Variants in PCDHGA1 observed in about 807,000 individuals in gnomAD.
The protein encoded by PCDHGA1 is protocadherin gamma subfamily A, 1.
Under a neutral mutation model 58.0 loss-of-function variants are expected in PCDHGA1, and 32 were observed. The ratio of observed to expected loss-of-function variants is 0.55; its 90% CI spans 0.42 to 0.74. The LOEUF (loss-of-function observed/expected upper bound fraction) is 0.74, where lower values mean the gene tolerates loss of function less well. PCDHGA1 is among the 30% of genes least tolerant of loss of function. The probability of loss-of-function intolerance (pLI) is 0.00; values close to 1 mark genes in which losing one functional copy is unlikely to be tolerated. For synonymous variants in PCDHGA1, 498 were observed against 501.1 expected, an observed-to-expected ratio of 0.99 and a Z score of 0.08; for missense variants, 1,205 against 1,182.3, an observed-to-expected ratio of 1.02 and a Z score of -0.28.
chr5:141,360,990 C>A lies in PCDHGA1; in HGVS notation c.2421+27885C>A. On this transcript the variant is annotated intron_variant, in intron 1 of 3. Transcript: ENST00000517417. ...TCACCTACTCCTTTCATAATGTGGA[C>A]GAACAAGTGAAACACTTTTTCAACT... 1.2e-6 allele frequency: 2 copies of A among 1,613,454 alleles called. No individual in the cohort carries two copies. The highest frequency in any genetic ancestry group is 1.3e-5 in the African/African-American group (1 of 75,006).
chr5:141,360,426 G>C, intron 1 of PCDHGA1: 2 of 1,614,000 alleles, frequency 1.2e-6, no homozygotes, highest in Non-Finnish European at 1.7e-6. Context: ...AGATATGCGG[G>C]AAGCAGCCTC....
Position 141,486,656 on chromosome 5 carries a change from C to A in PCDHGA1, c.2422-8151C>A. 6.2e-7 allele frequency: 1 copy of A among 1,614,020 alleles called. No homozygotes were observed. Among genetic ancestry groups the A allele is most frequent in the Non-Finnish European group, 8.5e-7 (1 of 1,180,038 alleles). On this transcript the variant is annotated intron_variant, in intron 1 of 3. Transcript: ENST00000517417. This position sits in a 1 kb window ranked among gnomAD's most constrained non-coding sequence, Gnocchi z 5.0. ...GAATGCGCTTATCTCCTACTCACTCCTGGAGCCCAGGAATCGAGATGTATC... is the reference window on the plus strand; with the variant it reads ...GAATGCGCTTATCTCCTACTCACTCATGGAGCCCAGGAATCGAGATGTATC...
chr5:141,385,200 C>G (rs776177043), intron 1 of PCDHGA1: 4 of 1,614,214 alleles, frequency 2.5e-6, no homozygotes, highest in Middle Eastern at 3.3e-4. Flanking sequence ...GGAAGAGTCA[C>G]CTGATCTTCC....
At chr5:141,414,137 T>C in intron 1 of PCDHGA1, 1 of 1,595,618 alleles carries the variant, frequency 6.3e-7, no homozygotes, top group South Asian at 1.1e-5. Context: ...TTCTATGAAA[T>C]AGAAATACAA....
At chr5:141,365,903 T>C (rs776227569) in intron 1 of PCDHGA1, 1 of 1,614,140 alleles carries the variant, frequency 6.2e-7, no homozygotes, top group Non-Finnish European at 8.5e-7. Context: ...CTATGAGCAG[T>C]TGAGAGACCT....
At chr5:141,365,716 A>G (rs1764073601) in intron 1 of PCDHGA1, 6 of 1,613,740 alleles carry the variant, frequency 3.7e-6, no homozygotes, top group Non-Finnish European at 5.1e-6. Flanking sequence ...CCTCTGTCAC[A>G]GAAAACAATC....
chr5:141,431,610 T>A lies in PCDHGA1; in HGVS notation c.2422-63197T>A. The stretch of plus-strand genomic sequence containing the variant: ...GAAGTGAGGTATTCCTTCCGGTATG[T>A]GGACGACAAGGCGGCCCAAGTTTTC... On this transcript the variant is annotated intron_variant, in intron 1 of 3. Transcript: ENST00000517417. The surrounding 1 kb of genome is among the most constrained non-coding windows in gnomAD (Gnocchi z 4.8). 6.2e-7 allele frequency: 1 copy of A among 1,614,238 alleles called. No homozygotes were observed. Among genetic ancestry groups the A allele is most frequent in the Non-Finnish European group, 8.5e-7 (1 of 1,180,034 alleles).
In PCDHGA1 at chr5:141,332,355, C is replaced by A; in HGVS notation, c.1671C>A (p.Asp557Glu). 2 of 1,614,210 alleles carry A rather than the reference C, an allele frequency of 1.2e-6. No homozygotes were observed. Among genetic ancestry groups the A allele is most frequent in the Non-Finnish European group, 1.7e-6 (2 of 1,180,034 alleles). Residue 557 changes from aspartate to glutamate, a missense_variant, in exon 1 of 4, where the codon GAC becomes GAA. Coordinates refer to ENST00000517417, the MANE Select transcript of PCDHGA1 (RefSeq NM_018912.3). This position sits in a 1 kb window ranked among gnomAD's most constrained non-coding sequence, Gnocchi z 4.6. ...GCCTATTCCTGCTGGACCAGAACGA[C>A]AACGCGCCCGAGATCCTGTACCCCG... ...SLSLFLLDQN[D>E]NAPEILYPAL...
rs2099417733 is a variant in PCDHGA1, at chr5:141,477,771, G to C, written c.2422-17036G>C. ...ACCCCGGTCCTAGCCACCAACATCAGCGTGAACATATTTGTCACTGATCGC... is the reference window on the plus strand; with the variant it reads ...ACCCCGGTCCTAGCCACCAACATCACCGTGAACATATTTGTCACTGATCGC... On this transcript the variant is annotated intron_variant, in intron 1 of 3. Transcript: ENST00000517417. This position sits in a 1 kb window ranked among gnomAD's most constrained non-coding sequence, Gnocchi z 4.9. 3 of 1,613,992 alleles carry C rather than the reference G, an allele frequency of 1.9e-6. No homozygotes were observed. The highest frequency in any genetic ancestry group is 3.3e-4 in the Middle Eastern group (2 of 6,062).
At position 141,490,181 on chromosome 5, in the gene PCDHGA1, G is replaced by A. The variant is rs755899660; in HGVS notation, c.2422-4626G>A. ...GGTCCCATAGACTTTGAGGAGTCACGTTTCTATGAAATTCATGCAAGAGCC... is the reference window on the plus strand; with the variant it reads ...GGTCCCATAGACTTTGAGGAGTCACATTTCTATGAAATTCATGCAAGAGCC... On this transcript the variant is annotated intron_variant, in intron 1 of 3. Coordinates refer to ENST00000517417, the MANE Select transcript of PCDHGA1 (RefSeq NM_018912.3). This position sits in a 1 kb window ranked among gnomAD's most constrained non-coding sequence, Gnocchi z 5.4. The A allele has an allele frequency of 9.9e-6, 16 of 1,614,200 alleles. No homozygotes were observed. Among genetic ancestry groups the A allele is most frequent in the Middle Eastern group, 1.6e-4 (1 of 6,062 alleles).
In PCDHGA1 at chr5:141,432,916, G is replaced by C; in HGVS notation, c.2422-61891G>C. ...TGCTGGCGCTCAGGCTGCGGCGCTG[G>C]CACAAGTCACGCCTGCTGCAGGCTT... On this transcript the variant is annotated intron_variant, in intron 1 of 3. Coordinates refer to ENST00000517417, the MANE Select transcript of PCDHGA1 (RefSeq NM_018912.3). The surrounding 1 kb of genome is among the most constrained non-coding windows in gnomAD (Gnocchi z 6.0). 1 of 1,614,196 alleles carries C rather than the reference G, an allele frequency of 6.2e-7. No homozygotes were observed. The highest frequency in any genetic ancestry group is 8.5e-7 in the Non-Finnish European group (1 of 1,180,040).
At chr5:141,434,695 AAT>A (rs1228504579) in intron 1 of PCDHGA1, among the ~76,000 whole-genome samples, 7 of 152,212 alleles carry the variant, frequency 4.6e-5, no homozygotes, top group Non-Finnish European at 8.8e-5. Flanking sequence ...GCTGTTAATA[AAT>A]ATGTGGGTAA....
intron 1 of PCDHGA1, among the ~76,000 whole-genome samples, chr5:141,480,400 G>A (rs1364147575): frequency 6.8e-6 from 1 of 146,550 alleles, no homozygotes; most frequent in Non-Finnish European, 1.5e-5. Context: ...TGGCAATAGA[G>A]TGAGACCCTG....
chr5:141,372,280 C>A, intron 1 of PCDHGA1: 2 of 1,613,164 alleles, frequency 1.2e-6, no homozygotes, highest in Non-Finnish European at 1.7e-6. Flanking sequence ...GTGCGCACGG[C>A]GCGTACCTTG....
intron 1 of PCDHGA1, chr5:141,366,690 A>T: frequency 6.2e-7 from 1 of 1,614,252 alleles, no homozygotes; most frequent in Non-Finnish European, 8.5e-7. Context: ...AGCTGTGAGA[A>T]AAGCGAGCCT....
intron 1 of PCDHGA1, among the ~76,000 whole-genome samples, chr5:141,354,813 T>C (rs1228624896): frequency 6.6e-6 from 1 of 152,188 alleles, no homozygotes; most frequent in Non-Finnish European, 1.5e-5. Context: ...TTCATAAAGT[T>C]TATTGTACAG....
intron 1 of PCDHGA1, chr5:141,338,830 A>T: frequency 7.2e-7 from 1 of 1,391,798 alleles, no homozygotes. Flanking sequence ...ACACCAAAGA[A>T]ATTCAGTCGA....
At chr5:141,434,427 G>A (rs2097693282) in intron 1 of PCDHGA1, among the ~76,000 whole-genome samples, 1 of 152,216 alleles carries the variant, frequency 6.6e-6, no homozygotes, top group African/African-American at 2.4e-5. Context: ...GTTCATGATG[G>A]CCGTAATGCC....
chr5:141,400,376 T>C (rs534277122), intron 1 of PCDHGA1: 1 of 1,614,070 alleles, frequency 6.2e-7, no homozygotes, highest in East Asian at 2.2e-5. Flanking sequence ...TCCTACAACC[T>C]ATGTGTTGCA....
Sources: gnomAD v4.1 joint callset for allele counts (sites outside exome capture counted in the v4.1 genomes callset) on GRCh38, gnomAD v4.1.1 for gene constraint, Gnocchi (gnomAD v3.1) non-coding constraint, MANE v1.5 for transcripts, NCBI Gene and HGNC (gene_info 2026-07-23, HGNC 2026-07-21) for gene names.